ANTXR2: variants seen among roughly 807,000 people sequenced by gnomAD.
ANTXR2 encodes ANTXR cell adhesion molecule 2, also known as anthrax toxin receptor 2.
Under a neutral mutation model 73.7 loss-of-function variants are expected in ANTXR2, and 44 were observed. That is an observed-to-expected ratio of 0.60 (90% CI 0.47 to 0.77). ANTXR2 has a LOEUF of 0.77. Ranked by LOEUF, ANTXR2 falls within the 30% of genes least tolerant of loss-of-function variation. The probability of loss-of-function intolerance (pLI) is 0.00; values close to 1 mark genes in which losing one functional copy is unlikely to be tolerated. For missense variants in ANTXR2, 604 were observed against 592.5 expected (o/e 1.02, Z -0.20); for synonymous variants, 217 against 205.9 (o/e 1.05, Z -0.46).
chr4:80,056,340 C>T (rs1421268221), intron 3 of ANTXR2, among the ~76,000 whole-genome samples: 5 of 151,828 alleles, frequency 3.3e-5, no homozygotes, highest in Admixed American at 2.0e-4. Flanking sequence ...CTTCCCTTAT[C>T]CACAAAAATA....
chr4:79,952,391 T>C (rs943836563), intron 16 of ANTXR2, among the ~76,000 whole-genome samples: 6 of 151,836 alleles, frequency 4.0e-5, no homozygotes, highest in African/African-American at 1.2e-4. Context: ...AGGGATTATC[T>C]AGTATTCACT....
intron 16 of ANTXR2, among the ~76,000 whole-genome samples, chr4:79,952,050 A>G (rs1728726906): frequency 6.6e-6 from 1 of 151,844 alleles, no homozygotes; most frequent in Non-Finnish European, 1.5e-5. Context: ...TCAGGAAAAA[A>G]TGGCTAATTT....
At chr4:80,009,696 A>G (rs1731476337) in intron 11 of ANTXR2, among the ~76,000 whole-genome samples, 1 of 151,886 alleles carries the variant, frequency 6.6e-6, no homozygotes, top group Non-Finnish European at 1.5e-5. Flanking sequence ...AAAATACAAA[A>G]ATTAGCTGGG....
intron 16 of ANTXR2, among the ~76,000 whole-genome samples, chr4:79,966,741 T>C (rs1463555911): frequency 1.3e-5 from 2 of 152,294 alleles, no homozygotes; most frequent in East Asian, 3.9e-4. Flanking sequence ...ATATTACTTT[T>C]TGGATAATAC....
chr4:79,980,343 A>T lies in ANTXR2; in HGVS notation c.1180-2169T>A, dbSNP rs182124338. On this transcript the variant is annotated intron_variant, in intron 14 of 16. Transcript: ENST00000403729. The stretch of plus-strand genomic sequence containing the variant: ...AACTCTTAAAAACAATTAAATATAC[A>T]TATATATGTGTATGTGTATGTATGC... Among the ~76,000 whole-genome samples the T allele has an allele frequency of 4.4e-3, 667 of 152,284 alleles. 3 individuals carry two copies. Among genetic ancestry groups the T allele is most frequent in the Non-Finnish European group, 5.1e-3 (349 of 68,002 alleles).
chr4:80,048,267 T>TA (rs557989348), intron 7 of ANTXR2, among the ~76,000 whole-genome samples: 11,622 of 122,584 alleles, frequency 0.095, 631 homozygotes, highest in Non-Finnish European at 0.14. Flanking sequence ...AAGCATTAGG[T>TA]AAAAAAAAAA....
intron 7 of ANTXR2, among the ~76,000 whole-genome samples, chr4:80,037,709 C>G (rs1166554897): frequency 6.6e-6 from 1 of 152,062 alleles, no homozygotes; most frequent in Non-Finnish European, 1.5e-5. Context: ...TATTTCAAAT[C>G]ACTAACATCT....
intron 16 of ANTXR2, among the ~76,000 whole-genome samples, chr4:79,973,939 C>T (rs184344571): frequency 5.3e-5 from 8 of 152,112 alleles, no homozygotes; most frequent in Admixed American, 5.2e-4. Context: ...GGCAAAACGG[C>T]AAATCATGCC....
intron 3 of ANTXR2, among the ~76,000 whole-genome samples, chr4:80,064,964 C>CT (rs992801390): frequency 6.6e-6 from 1 of 152,184 alleles, no homozygotes; most frequent in African/African-American, 2.4e-5. Flanking sequence ...CAATATACTG[C>CT]TTGCAACTTG....
Position 79,906,105 on chromosome 4 carries a change from T to TCCC in ANTXR2, c.*1321_*1323dup, listed in dbSNP as rs1726894860. On this transcript the variant is annotated 3_prime_UTR_variant, in exon 17 of 17. Coordinates refer to ENST00000403729, the MANE Select transcript of ANTXR2 (RefSeq NM_058172.6). ...CTTTTTTCTTCAGCTGCTGCCTTCC[T>TCCC]CCCCCACGGTGTTTCTGCTCACGCT... The TCCC allele has an allele frequency of 6.6e-6, 1 of 152,506 alleles. No individual in the cohort carries two copies. Among genetic ancestry groups the TCCC allele is most frequent in the Admixed American group, 6.6e-5 (1 of 15,250 alleles). 9.4% of individuals were successfully genotyped at this position (152,506 alleles called of 1,614,324 possible). A position where few individuals can be genotyped will look rare whatever the true frequency, so the allele number is the denominator to read the frequency against.
intron 11 of ANTXR2, among the ~76,000 whole-genome samples, chr4:80,017,746 T>C (rs1731943538): frequency 6.6e-6 from 1 of 152,058 alleles, no homozygotes; most frequent in Admixed American, 6.5e-5. Context: ...ACCACAAATA[T>C]TTGTAATTTC....
rs201605112 is a variant in ANTXR2 at position 79,986,137 on chromosome 4, G to T, written c.1042-1274C>A. On this transcript the variant is annotated intron_variant, in intron 12 of 16. Coordinates refer to ENST00000403729, the MANE Select transcript of ANTXR2 (RefSeq NM_058172.6). Reference sequence around the variant, plus strand: ...TAATTCTTCACGTGAATAGAATGGGGCTTAATTTGAAATGACCTTTACTGG... The same window carrying T: ...TAATTCTTCACGTGAATAGAATGGGTCTTAATTTGAAATGACCTTTACTGG... 5.9e-5 allele frequency among the ~76,000 whole-genome samples: 9 copies of T among 152,204 alleles called. No individual in the cohort carries two copies. The East Asian group carries it at 1.5e-3, about 26-fold the overall frequency.
At chr4:80,036,251 T>G (rs901555875) in intron 7 of ANTXR2, among the ~76,000 whole-genome samples, 1 of 152,138 alleles carries the variant, frequency 6.6e-6, no homozygotes, top group African/African-American at 2.4e-5. Flanking sequence ...GGATCCTTAT[T>G]TGATTAAAGT....
At chr4:80,025,801 A>G (rs955137243) in intron 10 of ANTXR2, among the ~76,000 whole-genome samples, 4 of 152,210 alleles carry the variant, frequency 2.6e-5, no homozygotes, top group Admixed American at 2.6e-4. Flanking sequence ...TTTGAATTAA[A>G]TGACTTATTT....
chr4:79,948,212 G>T (rs2109978897), intron 16 of ANTXR2, among the ~76,000 whole-genome samples: 1 of 152,192 alleles, frequency 6.6e-6, no homozygotes, highest in East Asian at 1.9e-4. Context: ...TAGGAGAATT[G>T]GGAAAATACC....
intron 16 of ANTXR2, among the ~76,000 whole-genome samples, chr4:79,961,959 T>C (rs922306990): frequency 2.0e-5 from 3 of 152,134 alleles, no homozygotes; most frequent in Admixed American, 6.5e-5. Flanking sequence ...ATAATGCCTA[T>C]ATGGGGAGGG....
intron 1 of ANTXR2, 112 bp downstream of exon 1, chr4:80,072,297 C>G: frequency 8.1e-7 from 1 of 1,240,232 alleles, no homozygotes; most frequent in East Asian, 2.9e-5. Context: ...GGGCACCCCT[C>G]CGCGGGTTTC....
chr4:80,030,257 G>T (rs1470518267), intron 10 of ANTXR2, among the ~76,000 whole-genome samples: 1 of 152,044 alleles, frequency 6.6e-6, no homozygotes, highest in Non-Finnish European at 1.5e-5. Flanking sequence ...CAACAAAAAT[G>T]ATGGAGCTGC....
At chr4:79,923,848 CTG>C in intron 16 of ANTXR2, among the ~76,000 whole-genome samples, 1 of 152,216 alleles carries the variant, frequency 6.6e-6, no homozygotes, top group East Asian at 1.9e-4. Flanking sequence ...AGCACATGCG[CTG>C]TCTCTATGTG....
Sources: gnomAD v4.1 joint callset for allele counts (sites outside exome capture counted in the v4.1 genomes callset) on GRCh38, gnomAD v4.1.1 for gene constraint, MANE v1.5 for transcripts, NCBI Gene and HGNC (gene_info 2026-07-23, HGNC 2026-07-21) for gene names.